CD72: variants seen among roughly 807,000 people sequenced by gnomAD.
CD72 encodes B-cell differentiation antigen CD72.
In CD72, 28 loss-of-function variants were observed where a neutral mutation model predicts 50.7. The ratio of observed to expected loss-of-function variants is 0.55; its 90% CI spans 0.41 to 0.76. The LOEUF is 0.76. CD72 is among the 30% of genes least tolerant of loss of function. The pLI is 0.00. For missense variants in CD72, 403 were observed against 420.6 expected, an observed-to-expected ratio of 0.96 and a Z score of 0.37; for synonymous variants, 176 against 171.2, an observed-to-expected ratio of 1.03 and a Z score of -0.22.
intron 1 of CD72, among the ~76,000 whole-genome samples, chr9:35,627,328 C>G (rs1337782285): frequency 1.3e-5 from 2 of 151,774 alleles, no homozygotes; most frequent in Non-Finnish European, 2.9e-5. Context: ...CAGGGTTTCA[C>G]CGTGTTCCCC....
upstream of CD72, among the ~76,000 whole-genome samples, chr9:35,620,138 ATTGCAGGAACAT>A (rs1445162822): frequency 2.6e-5 from 4 of 152,036 alleles, no homozygotes; most frequent in Non-Finnish European, 5.9e-5. Flanking sequence ...GAGTAAATCA[ATTGCAGGAACAT>A]TTGCAGGAGT....
At position 35,611,895 on chromosome 9, in the gene CD72, G is replaced by T; in HGVS notation, c.859C>A (p.Leu287Met). The T allele has an allele frequency of 6.2e-7, 1 of 1,602,170 alleles. No homozygotes were observed. Among genetic ancestry groups the T allele is most frequent in the Non-Finnish European group, 8.6e-7 (1 of 1,169,042 alleles). ...QSHSYYFLNSLLPNGGSGNSY... is the reference protein window; with the variant it reads ...QSHSYYFLNSMLPNGGSGNSY... ...TTCCCTGAACCACCATTTGGCAACA[G>T]TGAATTTAAGAAGTAGTAAGAGTGC... Residue 287 changes from leucine (L) to methionine (M), a missense_variant, in exon 7 of 9, where the codon CTG (leucine) becomes ATG (methionine). By Grantham distance (15) the Leu-to-Met change is conservative. Coordinates refer to ENST00000259633, the MANE Select transcript of CD72 (RefSeq NM_001782.3).
intron 1 of CD72, among the ~76,000 whole-genome samples, chr9:35,641,664 G>A (rs1164780850): frequency 6.6e-6 from 1 of 152,106 alleles, no homozygotes; most frequent in African/African-American, 2.4e-5. Flanking sequence ...TGGTTTCCTG[G>A]AGGGGATTAC....
At chr9:35,630,465 G>T (rs755249133) in intron 1 of CD72, among the ~76,000 whole-genome samples, 1 of 152,048 alleles carries the variant, frequency 6.6e-6, no homozygotes, top group Non-Finnish European at 1.5e-5. Context: ...AATTTTTGGA[G>T]AACTGACACT....
intron 3 of CD72, 94 bp downstream of exon 3, chr9:35,617,082 G>A: frequency 6.6e-7 from 1 of 1,520,078 alleles, no homozygotes; most frequent in South Asian, 1.2e-5. Flanking sequence ...GGTTTATCCC[G>A]GAAGGAGCTG....
At chr9:35,629,378 C>T (rs1253969562) in intron 1 of CD72, among the ~76,000 whole-genome samples, 1 of 152,084 alleles carries the variant, frequency 6.6e-6, no homozygotes, top group African/African-American at 2.4e-5. Context: ...ACTTGTATAT[C>T]CTTCATTTAG....
At chr9:35,625,434 T>C (rs944432479) in intron 1 of CD72, among the ~76,000 whole-genome samples, 1 of 152,096 alleles carries the variant, frequency 6.6e-6, no homozygotes, top group Non-Finnish European at 1.5e-5. Flanking sequence ...CCAGCAGAGG[T>C]TGGTTCCTGA....
At chr9:35,641,213 A>G (rs1024531143) in intron 1 of CD72, among the ~76,000 whole-genome samples, 1 of 152,184 alleles carries the variant, frequency 6.6e-6, no homozygotes, top group African/African-American at 2.4e-5. Context: ...TGTCATTAAC[A>G]TCGGAGCATG....
chr9:35,626,961 C>T (rs534065118), intron 1 of CD72, among the ~76,000 whole-genome samples: 3 of 151,808 alleles, frequency 2.0e-5, no homozygotes, highest in Non-Finnish European at 4.4e-5. Flanking sequence ...TCAGCTACTC[C>T]CGAGTAGCTG....
chr9:35,625,145 G>A (rs1449619388), intron 1 of CD72, among the ~76,000 whole-genome samples: 1 of 152,204 alleles, frequency 6.6e-6, no homozygotes, highest in Non-Finnish European at 1.5e-5. Context: ...AGCCAAGATA[G>A]GCCAAAAGCT....
chr9:35,636,170 C>T (rs1163650584), intron 1 of CD72, among the ~76,000 whole-genome samples: 1 of 152,102 alleles, frequency 6.6e-6, no homozygotes, highest in Non-Finnish European at 1.5e-5. Context: ...TTAACAGCAT[C>T]CTTGACCTCT....
At chr9:35,616,547 G>A (rs1311696859) in intron 4 of CD72, 53 bp downstream of exon 4, 1 of 1,377,752 alleles carries the variant, frequency 7.3e-7, no homozygotes, top group Non-Finnish European at 1.0e-6. Flanking sequence ...TGGGGCGAGA[G>A]TCGGGACGAA....
chr9:35,616,410 T>A, intron 4 of CD72, 132 bp from the exon 5 acceptor site: 1 of 862,394 alleles, frequency 1.2e-6, no homozygotes, highest in Non-Finnish European at 1.8e-6. Context: ...TTTGACTGAC[T>A]AAAGCGTAAG....
rs149104124 is a variant in CD72, at chr9:35,626,780, T to A, written n.409-8659A>T. On this transcript the variant is annotated intron_variant and non_coding_transcript_variant, in intron 1 of 3. Transcript: ENST00000465754. Reference sequence around the variant, plus strand: ...CATTTTTTAACAATAAGGTATTTTTTAATTAAGGTATTACATTGTTTTTTA... The same window carrying A: ...CATTTTTTAACAATAAGGTATTTTTAAATTAAGGTATTACATTGTTTTTTA... 5.1e-3 allele frequency among the ~76,000 whole-genome samples: 780 copies of A among 152,328 alleles called. 4 individuals carry two copies. Among genetic ancestry groups the A allele is most frequent in the African/African-American group, 0.018 (740 of 41,576 alleles).
chr9:35,632,038 A>G (rs1211341262), intron 1 of CD72, among the ~76,000 whole-genome samples: 1 of 152,224 alleles, frequency 6.6e-6, no homozygotes, highest in Non-Finnish European at 1.5e-5. Context: ...CTTTTCTAAA[A>G]TAAGTTGGGC....
At chr9:35,633,533 A>T (rs1031311928) in intron 1 of CD72, among the ~76,000 whole-genome samples, 1 of 152,078 alleles carries the variant, frequency 6.6e-6, no homozygotes, top group African/African-American at 2.4e-5. Context: ...GTTTTATTGC[A>T]TTGTAATTTA....
chr9:35,626,055 T>G (rs1587906217), intron 1 of CD72, among the ~76,000 whole-genome samples: 2 of 151,900 alleles, frequency 1.3e-5, no homozygotes, highest in African/African-American at 4.8e-5. Flanking sequence ...GAAACACATT[T>G]TGTAAGGCTA....
intron 1 of CD72, among the ~76,000 whole-genome samples, chr9:35,644,869 C>T (rs1473649027): frequency 2.9e-5 from 4 of 139,754 alleles, no homozygotes; most frequent in Non-Finnish European, 6.0e-5. Flanking sequence ...CTCGTGACTG[C>T]GAGAGATAGA....
At chr9:35,630,536 T>G (rs944019244) in intron 1 of CD72, among the ~76,000 whole-genome samples, 1 of 152,194 alleles carries the variant, frequency 6.6e-6, no homozygotes, top group African/African-American at 2.4e-5. Flanking sequence ...TCCCATCTTG[T>G]TTTATAGTGT....
Sources: allele counts gnomAD v4.1 joint callset (sites outside exome capture counted in the v4.1 genomes callset), GRCh38; gene constraint gnomAD v4.1.1; transcripts MANE v1.5; gene names NCBI Gene and HGNC (gene_info 2026-07-23, HGNC 2026-07-21).